LARGE1: variants seen among roughly 807,000 people sequenced by gnomAD.
LARGE1 encodes the protein xylosyl- and glucuronyltransferase LARGE1.
In LARGE1, 43 loss-of-function variants were observed where a neutral mutation model predicts 87.6. That is an observed-to-expected ratio of 0.49 (90% CI 0.38 to 0.63). The LOEUF is 0.63. LARGE1 is among the 30% of genes least tolerant of loss of function. The probability of loss-of-function intolerance (pLI) is 0.00; values close to 1 mark genes in which losing one functional copy is unlikely to be tolerated. For missense variants in LARGE1, 802 were observed against 1,000.2 expected, an observed-to-expected ratio of 0.80 and a Z score of 2.67; for synonymous variants, 434 against 394.6, an observed-to-expected ratio of 1.10 and a Z score of -1.18.
At chr22:33,242,224 C>A (rs996436822) in intron 11 of LARGE1, among the ~76,000 whole-genome samples, 1 of 152,012 alleles carries the variant, frequency 6.6e-6, no homozygotes, top group Non-Finnish European at 1.5e-5. Context: ...AGGTGGGAAC[C>A]CTGAATCACT....
intron 7 of LARGE1, among the ~76,000 whole-genome samples, chr22:33,390,817 CTGAG>C (rs1276876378): frequency 1.3e-5 from 2 of 151,996 alleles, no homozygotes; most frequent in Non-Finnish European, 2.9e-5. Flanking sequence ...CCTCAGCCTC[CTGAG>C]TAAGTAGGAC....
chr22:33,676,708 A>G (rs1164254561), intron 2 of LARGE1, among the ~76,000 whole-genome samples: 2 of 152,222 alleles, frequency 1.3e-5, no homozygotes, highest in Non-Finnish European at 2.9e-5. Flanking sequence ...CTTTTCCTAC[A>G]AAGGTCTAAA....
chr22:33,464,882 TGC>T (rs1569187142), intron 6 of LARGE1, among the ~76,000 whole-genome samples: 10 of 113,282 alleles, frequency 8.8e-5, no homozygotes, highest in African/African-American at 3.0e-4. Flanking sequence ...TGCACACACA[TGC>T]ACACACATAC....
At position 33,247,047 on chromosome 22, in the gene LARGE1, A is replaced by ATGTGTGTGTG. The variant is rs10532057; in HGVS notation, c.1730+57172_1730+57181dup. The stretch of plus-strand genomic sequence containing the variant: ...TTACTATGAGAGAACTGCAGCCAGT[A>ATGTGTGTGTG]TGTGTGTGTGTGTGTGTGTGTGTGT... On this transcript the variant is annotated intron_variant, in intron 11 of 11. Coordinates refer to the LARGE1 transcript ENST00000608642. Among the ~76,000 whole-genome samples, 292 of 146,276 alleles carry ATGTGTGTGTG rather than the reference A, an allele frequency of 2.0e-3. 1 individual carries two copies. The highest frequency in any genetic ancestry group is 6.8e-3 in the African/African-American group (273 of 40,140).
chr22:33,843,872 G>T (rs753666520), intron 1 of LARGE1, among the ~76,000 whole-genome samples: 35 of 152,042 alleles, frequency 2.3e-4, no homozygotes, highest in Non-Finnish European at 4.7e-4. Flanking sequence ...GAAGTCAGCA[G>T]TTCGAGACCA....
intron 7 of LARGE1, among the ~76,000 whole-genome samples, chr22:33,385,258 G>A (rs940638279): frequency 2.0e-5 from 3 of 148,434 alleles, no homozygotes; most frequent in Non-Finnish European, 4.5e-5. Flanking sequence ...AACAACAGCC[G>A]GGTGTGGTGG....
chr22:33,551,959 A>G (rs2077534292), intron 6 of LARGE1, among the ~76,000 whole-genome samples: 1 of 136,678 alleles, frequency 7.3e-6, no homozygotes, highest in South Asian at 2.3e-4. Context: ...GCGCCACTGC[A>G]CTCCAGCCTG....
chr22:33,754,439 C>T (rs2084433584), intron 2 of LARGE1, among the ~76,000 whole-genome samples: 1 of 151,932 alleles, frequency 6.6e-6, no homozygotes, highest in Non-Finnish European at 1.5e-5. Context: ...AGGTTCATGC[C>T]ATTCACCTGC....
At chr22:33,152,826 C>T in the LARGE1 span, among the ~76,000 whole-genome samples, 95 of 152,138 alleles carry the variant, frequency 6.2e-4, no homozygotes, top group African/African-American at 2.1e-3. Flanking sequence ...GATTATGTCC[C>T]GCATATAGTT....
At chr22:33,137,648 G>A in the LARGE1 span, among the ~76,000 whole-genome samples, 2 of 152,216 alleles carry the variant, frequency 1.3e-5, no homozygotes, top group Non-Finnish European at 2.9e-5. Context: ...GGAGGCCTAG[G>A]AGAAAATGGT....
chr22:33,879,839 G>A (rs1185001573), intron 1 of LARGE1, among the ~76,000 whole-genome samples: 1 of 152,148 alleles, frequency 6.6e-6, no homozygotes, highest in African/African-American at 2.4e-5. Context: ...AGGTATCTTC[G>A]GCTCCTGGCA....
At chr22:33,814,189 A>T (rs2086582382) in intron 1 of LARGE1, among the ~76,000 whole-genome samples, 1 of 152,150 alleles carries the variant, frequency 6.6e-6, no homozygotes, top group African/African-American at 2.4e-5. Context: ...ATGGACTGTC[A>T]ACCTCTTCTA....
At chr22:33,616,599 G>A (rs974433354) in intron 4 of LARGE1, among the ~76,000 whole-genome samples, 4 of 151,926 alleles carry the variant, frequency 2.6e-5, no homozygotes, top group African/African-American at 9.7e-5. Context: ...TAATACAATG[G>A]GGTATATTCA....
At chr22:33,916,624 G>C (rs1354277678) in intron 1 of LARGE1, among the ~76,000 whole-genome samples, 2 of 152,148 alleles carry the variant, frequency 1.3e-5, no homozygotes, top group South Asian at 2.1e-4. Flanking sequence ...CAGTGGCAGG[G>C]TGTCTAGAGC....
intron 6 of LARGE1, among the ~76,000 whole-genome samples, chr22:33,533,275 C>T (rs1428738347): frequency 1.3e-5 from 2 of 152,130 alleles, no homozygotes; most frequent in East Asian, 3.9e-4. Context: ...CTAATAGCTG[C>T]CTGACAATTT....
chr22:33,877,956 C>T (rs1471886109), intron 1 of LARGE1, among the ~76,000 whole-genome samples: 1 of 151,222 alleles, frequency 6.6e-6, no homozygotes, highest in Non-Finnish European at 1.5e-5. Flanking sequence ...AAATACATAC[C>T]ACAGTCCAGA....
the LARGE1 span, among the ~76,000 whole-genome samples, chr22:33,111,761 T>G: frequency 6.6e-6 from 1 of 152,168 alleles, no homozygotes; most frequent in Non-Finnish European, 1.5e-5. Flanking sequence ...TGTAGGGGGT[T>G]GTGATGAAAT....
chr22:33,098,987 T>G, the LARGE1 span, among the ~76,000 whole-genome samples: 3 of 152,190 alleles, frequency 2.0e-5, no homozygotes, highest in Non-Finnish European at 2.9e-5. Flanking sequence ...AATTTATTGT[T>G]CTTTGTTAAG....
chr22:33,777,507 G>A (rs373931800), intron 1 of LARGE1, among the ~76,000 whole-genome samples: 163 of 152,112 alleles, frequency 1.1e-3, no homozygotes, highest in African/African-American at 3.8e-3. Context: ...GCCAGGTGTG[G>A]TGCCACATGC....
Sources: gnomAD v4.1 joint callset for allele counts (sites outside exome capture counted in the v4.1 genomes callset) on GRCh38, gnomAD v4.1.1 for gene constraint, MANE v1.5 for transcripts, NCBI Gene and HGNC (gene_info 2026-07-23, HGNC 2026-07-21) for gene names.